The following PAFAH1B1 variants were observed in gnomAD, a reference collection of about 807,000 sequenced individuals.
The protein encoded by PAFAH1B1 is platelet-activating factor acetylhydrolase IB subunit beta.
A neutral mutation model predicts 57.5 loss-of-function variants in PAFAH1B1; 2 were observed. That is an observed-to-expected ratio of 0.03 (90% CI 0.01 to 0.11). The LOEUF is 0.11. PAFAH1B1 is among the 10% of genes least tolerant of loss of function. The probability of loss-of-function intolerance (pLI) is 1.00; values close to 1 mark genes in which losing one functional copy is unlikely to be tolerated. For missense variants in PAFAH1B1, 257 were observed against 512.0 expected, an observed-to-expected ratio of 0.50 and a Z score of 4.81; for synonymous variants, 152 against 169.6, an observed-to-expected ratio of 0.90 and a Z score of 0.81.
rs980619981 is a variant in PAFAH1B1 at position 2,683,218 on chromosome 17, T to A, written c.*1416T>A. ...ATTTTGACCCAAAGTTACAGGTAGG[T>A]TTAAGAGAATTTTTAGCCATGACTT... On this transcript the variant is annotated 3_prime_UTR_variant, in exon 11 of 11. Transcript: ENST00000397195. 3.3e-5 allele frequency: 5 copies of A among 152,210 alleles called. No homozygotes were observed. The South Asian group carries it at 1.0e-3, about 32-fold the overall frequency. 9.4% of individuals were successfully genotyped at this position (152,210 alleles called of 1,614,324 possible).
At chr17:2,632,073 G>T (rs1042491487) in intron 1 of PAFAH1B1, among the ~76,000 whole-genome samples, 1 of 151,970 alleles carries the variant, frequency 6.6e-6, no homozygotes, top group African/African-American at 2.4e-5. Flanking sequence ...ATTTTACTTC[G>T]ATTTGATGTA....
intron 1 of PAFAH1B1, among the ~76,000 whole-genome samples, chr17:2,621,302 G>A (rs1245321642): frequency 2.6e-5 from 4 of 152,104 alleles, no homozygotes; most frequent in African/African-American, 7.2e-5. Flanking sequence ...TTTAGCTCCC[G>A]CTTGTAAGTG....
chr17:2,594,353 A>T (rs989830317), intron 1 of PAFAH1B1, among the ~76,000 whole-genome samples: 3 of 152,158 alleles, frequency 2.0e-5, no homozygotes, highest in Non-Finnish European at 4.4e-5. Context: ...TCGGTGACTT[A>T]GCAAGAAAAG....
intron 7 of PAFAH1B1, chr17:2,673,732 G>A (rs1394585009): frequency 3.4e-6 from 1 of 292,416 alleles, no homozygotes; most frequent in African/African-American, 2.2e-5. Flanking sequence ...GATTTTTGTA[G>A]TACAAAGTTA....
intron 1 of PAFAH1B1, among the ~76,000 whole-genome samples, chr17:2,600,891 C>T (rs1042638870): frequency 2.6e-5 from 4 of 151,918 alleles, no homozygotes; most frequent in Non-Finnish European, 5.9e-5. Flanking sequence ...TGCCACCACA[C>T]CTGGCTAATT....
intron 2 of PAFAH1B1, among the ~76,000 whole-genome samples, chr17:2,655,199 G>A (rs1295543296): frequency 6.6e-6 from 1 of 151,568 alleles, no homozygotes; most frequent in Non-Finnish European, 1.5e-5. Context: ...GTGTGTGTGT[G>A]TGTGTGTGTG....
intron 1 of PAFAH1B1, among the ~76,000 whole-genome samples, chr17:2,610,326 A>G (rs1314327606): frequency 6.6e-6 from 1 of 152,232 alleles, no homozygotes; most frequent in Non-Finnish European, 1.5e-5. Context: ...ACAAAAGATA[A>G]AGATAAAGTC....
rs748622322 is a variant in PAFAH1B1 at position 2,672,719 on chromosome 17, A to G, written c.633A>G (p.Ser211=). 2 of 1,613,264 alleles carry G rather than the reference A, an allele frequency of 1.2e-6. No individual in the cohort carries two copies. The highest frequency in any genetic ancestry group is 2.2e-5 in the East Asian group (1 of 44,884). ...MPNGDHIVSA[S]RDKTIKMWEV... ...ATGGAGATCATATAGTGTCTGCCTC[A>G]AGGGATAAAACTATAAAAATGTGGG... Residue 211 remains serine, a synonymous_variant, in exon 7 of 11, where the codon TCA becomes TCG. Coordinates refer to ENST00000397195, the MANE Select transcript of PAFAH1B1 (RefSeq NM_000430.4).
At chr17:2,632,805 AT>A (rs754969241) in intron 1 of PAFAH1B1, among the ~76,000 whole-genome samples, 1 of 152,152 alleles carries the variant, frequency 6.6e-6, no homozygotes, top group Non-Finnish European at 1.5e-5. Context: ...ATCCTACACC[AT>A]TTTTTATCAG....
chr17:2,624,490 GA>G (rs952953919), intron 1 of PAFAH1B1, among the ~76,000 whole-genome samples: 1 of 152,170 alleles, frequency 6.6e-6, no homozygotes, highest in African/African-American at 2.4e-5. Flanking sequence ...TCAGAATCAT[GA>G]TAGGAAGTGA....
chr17:2,678,400 CA>C (rs11394999), intron 9 of PAFAH1B1, among the ~76,000 whole-genome samples: 1,874 of 80,996 alleles, frequency 0.023, 25 homozygotes, highest in African/African-American at 0.075. Flanking sequence ...GAAACCATCT[CA>C]AAAAAAAAAA....
intron 5 of PAFAH1B1, among the ~76,000 whole-genome samples, chr17:2,669,798 T>G (rs760157711): frequency 8.5e-5 from 13 of 152,128 alleles, no homozygotes; most frequent in Non-Finnish European, 1.3e-4. Flanking sequence ...TTTCCATCTC[T>G]TTCTCTTTCT....
intron 2 of PAFAH1B1, among the ~76,000 whole-genome samples, chr17:2,646,044 C>T (rs898056787): frequency 3.3e-5 from 5 of 151,926 alleles, no homozygotes; most frequent in South Asian, 2.1e-4. Context: ...ATACAGTCTT[C>T]AATGAATCTT....
At chr17:2,652,393 C>T (rs1454779826) in intron 2 of PAFAH1B1, among the ~76,000 whole-genome samples, 4 of 152,328 alleles carry the variant, frequency 2.6e-5, no homozygotes, top group Non-Finnish European at 4.4e-5. Context: ...CCAGCCTGGG[C>T]GGCAGAGCGA....
intron 1 of PAFAH1B1, among the ~76,000 whole-genome samples, chr17:2,605,796 G>A (rs773277608): frequency 9.9e-5 from 15 of 152,134 alleles, no homozygotes; most frequent in Admixed American, 3.3e-4. Flanking sequence ...TGTCAAGTGA[G>A]TTAATGCATT....
At chr17:2,656,396 G>A (rs1041943518) in intron 2 of PAFAH1B1, among the ~76,000 whole-genome samples, 4 of 151,930 alleles carry the variant, frequency 2.6e-5, no homozygotes, top group Non-Finnish European at 5.9e-5. Context: ...GATGCAGTGA[G>A]CCATGATTGT....
In PAFAH1B1 at chr17:2,678,291, C is replaced by T. The variant is rs898227191; in HGVS notation, c.1002+1685C>T. Among the ~76,000 whole-genome samples the T allele has an allele frequency of 4.6e-5, 7 of 150,960 alleles. 1 individual carries two copies. The South Asian group carries it at 6.3e-4, about 14-fold the overall frequency. ...TGGCACATGCCTGTAATCCCAGCTA[C>T]TTGGGAAGGCTGAGGCAGGCAAATC... On this transcript the variant is annotated intron_variant, in intron 9 of 10. Transcript: ENST00000397195.
intron 1 of PAFAH1B1, among the ~76,000 whole-genome samples, chr17:2,627,920 A>G (rs2068512217): frequency 6.6e-6 from 1 of 152,176 alleles, no homozygotes; most frequent in African/African-American, 2.4e-5. Flanking sequence ...ATTTGTGTAC[A>G]TTAATCTTGA....
chr17:2,658,413 A>T (rs934591778), intron 2 of PAFAH1B1, among the ~76,000 whole-genome samples: 1 of 152,228 alleles, frequency 6.6e-6, no homozygotes, highest in Non-Finnish European at 1.5e-5. Context: ...CAAGAAATTT[A>T]ATCGAAATAC....
Sources: gnomAD v4.1 joint callset for allele counts (sites outside exome capture counted in the v4.1 genomes callset) on GRCh38, gnomAD v4.1.1 for gene constraint, MANE v1.5 for transcripts, NCBI Gene and HGNC (gene_info 2026-07-23, HGNC 2026-07-21) for gene names.